INTS9: variants seen among roughly 807,000 people sequenced by gnomAD.
INTS9 encodes the protein protein related to CPSF subunits of 74 kDa.
INTS9 carries 55 observed loss-of-function variants against 79.7 expected under a neutral mutation model. The ratio of observed to expected loss-of-function variants is 0.69; its 90% CI spans 0.56 to 0.86. The LOEUF (loss-of-function observed/expected upper bound fraction) is 0.86, where lower values mean the gene tolerates loss of function less well. Ranked by LOEUF, INTS9 falls within the 40% of genes least tolerant of loss-of-function variation. INTS9 has a pLI of 0.00. For synonymous variants in INTS9, 319 were observed against 325.2 expected (o/e 0.98, Z 0.20); for missense variants, 721 against 831.5 (o/e 0.87, Z 1.64).
intron 11 of INTS9, 100 bp downstream of exon 11, chr8:28,787,729 T>C: frequency 1.3e-6 from 1 of 788,898 alleles, no homozygotes; most frequent in Non-Finnish European, 2.1e-6. Flanking sequence ...GTCTACAGGT[T>C]TACACAGCAA....
chr8:28,770,150 T>A, intron 15 of INTS9, 124 bp from the exon 16 acceptor site: 1 of 1,257,364 alleles, frequency 8.0e-7, no homozygotes, highest in Non-Finnish European at 1.1e-6. Context: ...CCCGGTTTCC[T>A]CAGCCGGCAC....
chr8:28,771,601 C>T (rs1287148559), intron 14 of INTS9, among the ~76,000 whole-genome samples: 2 of 152,238 alleles, frequency 1.3e-5, no homozygotes, highest in Non-Finnish European at 2.9e-5. Context: ...CAATACCAAA[C>T]GGGCAGAGGA....
intron 2 of INTS9, among the ~76,000 whole-genome samples, chr8:28,855,088 ACTCC>A (rs533029427): frequency 1.2e-3 from 179 of 151,918 alleles, no homozygotes; most frequent in Admixed American, 4.1e-3. Context: ...ATTCCAAGAC[ACTCC>A]CTCCCAGTCC....
chr8:28,822,536 G>A (rs1183483075), intron 6 of INTS9, among the ~76,000 whole-genome samples: 1 of 152,120 alleles, frequency 6.6e-6, no homozygotes, highest in Non-Finnish European at 1.5e-5. Flanking sequence ...AACAGTGCTG[G>A]CCTTAGTTGC....
chr8:28,820,582 G>A (rs11998664), intron 6 of INTS9, among the ~76,000 whole-genome samples: 80 of 152,038 alleles, frequency 5.3e-4, no homozygotes, highest in Middle Eastern at 3.4e-3. Flanking sequence ...TCCTTCATTT[G>A]AACTTTGGTG....
At chr8:28,790,892 G>A (rs1585358668) in intron 10 of INTS9, among the ~76,000 whole-genome samples, 2 of 152,162 alleles carry the variant, frequency 1.3e-5, no homozygotes, top group East Asian at 3.8e-4. Flanking sequence ...CACATCCCCT[G>A]CCTCAGGCAC....
intron 8 of INTS9, among the ~76,000 whole-genome samples, chr8:28,805,897 A>G (rs1337407578): frequency 6.6e-6 from 1 of 152,092 alleles, no homozygotes; most frequent in African/African-American, 2.4e-5. Context: ...ATCACAAGAA[A>G]CACAAACAGG....
intron 1 of INTS9, among the ~76,000 whole-genome samples, chr8:28,878,537 G>T (rs1026740447): frequency 1.3e-5 from 2 of 151,120 alleles, no homozygotes; most frequent in African/African-American, 4.9e-5. Flanking sequence ...GCCCAGGCTG[G>T]ACTCAAACTT....
intron 4 of INTS9, among the ~76,000 whole-genome samples, chr8:28,840,734 C>T (rs13273314): frequency 0.88 from 120,982 of 138,258 alleles, 52,941 homozygotes; most frequent in East Asian, 0.93. Flanking sequence ...TAGGTGGGAA[C>T]TGAACAATGA....
intron 8 of INTS9, chr8:28,796,869 T>A (rs1804249400): frequency 2.1e-6 from 1 of 486,206 alleles, no homozygotes; most frequent in African/African-American, 1.9e-5. Context: ...TTATAAGGGA[T>A]GAACAAGTTC....
intron 1 of INTS9, among the ~76,000 whole-genome samples, chr8:28,864,169 C>A (rs1000943706): frequency 1.3e-5 from 2 of 152,042 alleles, no homozygotes; most frequent in Admixed American, 6.5e-5. Flanking sequence ...ACAGTGAGAC[C>A]CTGTCTGTAC....
intron 1 of INTS9, among the ~76,000 whole-genome samples, chr8:28,861,382 C>T (rs1808453264): frequency 6.6e-6 from 1 of 152,184 alleles, no homozygotes; most frequent in African/African-American, 2.4e-5. Flanking sequence ...GTTAAACTTG[C>T]TCCAAATATA....
chr8:28,847,337 G>A (rs1403381087), intron 3 of INTS9, among the ~76,000 whole-genome samples: 2 of 152,044 alleles, frequency 1.3e-5, no homozygotes, highest in African/African-American at 4.8e-5. Context: ...ACCAAGGGTT[G>A]GGAGGAAAGG....
chr8:28,841,258 G>A (rs905711309), intron 4 of INTS9, among the ~76,000 whole-genome samples: 5 of 152,146 alleles, frequency 3.3e-5, no homozygotes, highest in African/African-American at 7.2e-5. Context: ...GAAGGACCAC[G>A]TAACTGTTTG....
At chr8:28,771,453 C>T (rs940355796) in intron 14 of INTS9, among the ~76,000 whole-genome samples, 5 of 152,106 alleles carry the variant, frequency 3.3e-5, no homozygotes, top group East Asian at 3.9e-4. Context: ...GGTGCCCTGC[C>T]GTGCAGCCTG....
chr8:28,840,613 T>TA (rs1229219209), intron 4 of INTS9, among the ~76,000 whole-genome samples: 16 of 142,016 alleles, frequency 1.1e-4, no homozygotes, highest in African/African-American at 4.2e-4. Flanking sequence ...TATGCAGCCA[T>TA]AAAAAATGAT....
At chr8:28,863,387 T>C (rs946896116) in intron 1 of INTS9, among the ~76,000 whole-genome samples, 2 of 152,232 alleles carry the variant, frequency 1.3e-5, no homozygotes, top group African/African-American at 4.8e-5. Flanking sequence ...CCATGGCTTC[T>C]GCATCCAGGA....
intron 1 of INTS9, among the ~76,000 whole-genome samples, chr8:28,867,776 C>G (rs1471243195): frequency 6.7e-6 from 1 of 149,884 alleles, no homozygotes; most frequent in Non-Finnish European, 1.5e-5. Flanking sequence ...GTTCTTTTCT[C>G]TAGTCTTGTT....
At chr8:28,853,190 G>A (rs1299744042) in intron 2 of INTS9, among the ~76,000 whole-genome samples, 1 of 152,186 alleles carries the variant, frequency 6.6e-6, no homozygotes, top group Non-Finnish European at 1.5e-5. Context: ...CGAGGCGGAT[G>A]GATCACCTAG....
Sources: allele counts gnomAD v4.1 joint callset (sites outside exome capture counted in the v4.1 genomes callset), GRCh38; gene constraint gnomAD v4.1.1; transcripts MANE v1.5; gene names NCBI Gene and HGNC (gene_info 2026-07-23, HGNC 2026-07-21).